DSC3: variants seen among roughly 807,000 people sequenced by gnomAD.
DSC3 encodes the protein desmocollin-3.
Under a neutral mutation model 89.5 loss-of-function variants are expected in DSC3, and 97 were observed. The observed-to-expected ratio is 1.08, with a 90% CI of 0.92 to 1.28. The LOEUF (loss-of-function observed/expected upper bound fraction) is 1.28, where lower values mean the gene tolerates loss of function less well. DSC3 is among the 50% of genes most tolerant of loss of function. The pLI is 0.00. For missense variants in DSC3, 1,199 were observed against 1,085.3 expected, an observed-to-expected ratio of 1.10 and a Z score of -1.47; for synonymous variants, 436 against 384.1, an observed-to-expected ratio of 1.14 and a Z score of -1.58.
chr18:31,022,911 G>A (rs1010469447), intron 6 of DSC3, among the ~76,000 whole-genome samples: 1 of 152,026 alleles, frequency 6.6e-6, no homozygotes, highest in African/African-American at 2.4e-5. Flanking sequence ...ACTGATTAGG[G>A]GTATGCAGTA....
chr18:31,022,406 G>C lies in DSC3; in HGVS notation c.872C>G (p.Ser291Ter). ...KYSILQQTPR[S>*]PGLFSVHPST... ...GGGATGCACAGAAAAGAGCCCAGGT[G>C]ACCTTGGTGTCTGCTGCAAAATGCT... The change falls in exon 7 of 16, where the codon TCA (serine) becomes TGA (stop). Residue 291 changes from serine (S) to a stop codon, truncating the protein, a stop_gained. Coordinates refer to ENST00000360428, the MANE Select transcript of DSC3 (RefSeq NM_001941.5). LOFTEE classifies it high-confidence loss of function. 6.2e-7 allele frequency: 1 copy of C among 1,614,068 alleles called. No homozygotes were observed. The highest frequency in any genetic ancestry group is 2.2e-5 in the East Asian group (1 of 44,862).
chr18:31,032,799 C>G (rs1985845191), intron 1 of DSC3, among the ~76,000 whole-genome samples: 1 of 151,982 alleles, frequency 6.6e-6, no homozygotes. Flanking sequence ...TTTCACCATG[C>G]TTCTATTTAA....
intron 12 of DSC3, among the ~76,000 whole-genome samples, chr18:31,005,065 T>A (rs1400999114): frequency 1.3e-5 from 2 of 152,120 alleles, no homozygotes; most frequent in African/African-American, 4.8e-5. Flanking sequence ...CTAAGTAAAA[T>A]GAAAAAGTAG....
rs1446028905 is a variant in DSC3, at chr18:31,042,737, C to G, written c.-77G>C. On this transcript the variant is annotated 5_prime_UTR_variant, in exon 1 of 16. Coordinates refer to ENST00000360428, the MANE Select transcript of DSC3 (RefSeq NM_001941.5). ...GCGAGACCTGCCGAGGTGCAGGGCG[C>G]GGGAGGTGCTTTTCTCGCCGCTGCT... 1.9e-5 allele frequency: 26 copies of G among 1,365,298 alleles called. No individual in the cohort carries two copies. The South Asian group carries it at 3.2e-4, about 17-fold the overall frequency. The allele number at this position is 1,365,298 out of a possible 1,614,324, so 84.6% of individuals were successfully genotyped here.
At chr18:31,024,217 T>G (rs1985517872) in intron 6 of DSC3, 132 bp downstream of exon 6, 1 of 837,944 alleles carries the variant, frequency 1.2e-6, no homozygotes, top group Non-Finnish European at 1.7e-6. Context: ...GATTAAGTGT[T>G]TTCTGGTAAG....
At chr18:30,999,031 T>G (rs936491018) in intron 14 of DSC3, among the ~76,000 whole-genome samples, 2 of 152,174 alleles carry the variant, frequency 1.3e-5, no homozygotes, top group African/African-American at 4.8e-5. Context: ...GGAAATGCTT[T>G]AAAATGAAAA....
At chr18:31,025,112 C>T (rs1985553213) in intron 5 of DSC3, among the ~76,000 whole-genome samples, 1 of 152,158 alleles carries the variant, frequency 6.6e-6, no homozygotes, top group Non-Finnish European at 1.5e-5. Flanking sequence ...CACAGCATCT[C>T]TTCCTTCTTT....
At chr18:30,995,086 G>A (rs1984410173) in intron 15 of DSC3, among the ~76,000 whole-genome samples, 1 of 152,168 alleles carries the variant, frequency 6.6e-6, no homozygotes, top group South Asian at 2.1e-4. Context: ...CTTTTATAAT[G>A]AAGACGCCAT....
intron 11 of DSC3, 22 bp downstream of exon 11, chr18:31,007,994 C>T: frequency 6.3e-7 from 1 of 1,589,996 alleles, no homozygotes. Context: ...TATAGAATAC[C>T]AGATTAAAAC....
At chr18:31,017,243 AT>A (rs1416037106) in intron 9 of DSC3, among the ~76,000 whole-genome samples, 1 of 152,132 alleles carries the variant, frequency 6.6e-6, no homozygotes, top group Admixed American at 6.5e-5. Context: ...AGCCTTGGAA[AT>A]TTTTACAGAG....
intron 1 of DSC3, among the ~76,000 whole-genome samples, chr18:31,036,242 T>C (rs1161665084): frequency 6.6e-6 from 1 of 152,220 alleles, no homozygotes; most frequent in African/African-American, 2.4e-5. Context: ...AATAATTTTA[T>C]GACTTTTTCC....
intron 9 of DSC3, among the ~76,000 whole-genome samples, chr18:31,013,429 A>G (rs974406137): frequency 6.6e-6 from 1 of 152,166 alleles, no homozygotes; most frequent in African/African-American, 2.4e-5. Context: ...TCACAACCAC[A>G]GAAGCCTCTG....
intron 9 of DSC3, among the ~76,000 whole-genome samples, chr18:31,013,709 T>A (rs1449896685): frequency 6.6e-6 from 1 of 152,152 alleles, no homozygotes; most frequent in South Asian, 2.1e-4. Context: ...AAACACCATT[T>A]TTTTGCTATT....
At chr18:31,029,690 A>C (rs1598549759) in intron 3 of DSC3, 62 bp from the exon 4 acceptor site, 3 of 1,599,024 alleles carry the variant, frequency 1.9e-6, no homozygotes, top group Middle Eastern at 1.7e-4. Context: ...CTTTGTGTAA[A>C]ATAGTGGACA....
At chr18:31,031,316 T>G (rs1042848279) in intron 2 of DSC3, 144 bp from the exon 3 acceptor site, 11 of 595,100 alleles carry the variant, frequency 1.8e-5, no homozygotes, top group Admixed American at 6.6e-5. Flanking sequence ...TCTTAACCTG[T>G]TTTTTACATT....
intron 1 of DSC3, among the ~76,000 whole-genome samples, chr18:31,034,071 C>G (rs1448301359): frequency 6.6e-6 from 1 of 152,164 alleles, no homozygotes; most frequent in Non-Finnish European, 1.5e-5. Flanking sequence ...GTGATCCGCC[C>G]GCCTCGGCCT....
chr18:31,016,163 C>T (rs903458564), intron 9 of DSC3, among the ~76,000 whole-genome samples: 2 of 152,124 alleles, frequency 1.3e-5, no homozygotes, highest in Non-Finnish European at 2.9e-5. Context: ...CATGAATAAC[C>T]CACCCCTTAT....
intron 4 of DSC3, among the ~76,000 whole-genome samples, chr18:31,026,812 A>T (rs169347): frequency 0.47 from 70,592 of 151,634 alleles, 17,014 homozygotes; most frequent in East Asian, 0.88. Flanking sequence ...TAAGGTCAGG[A>T]CAAGGGAATG....
In DSC3 at chr18:31,032,319, T is replaced by A. The variant is rs1985819222; in HGVS notation, c.70-43A>T. 4 of 1,455,814 alleles carry A rather than the reference T, an allele frequency of 2.7e-6. No homozygotes were observed. The South Asian group carries it at 4.6e-5, about 17-fold the overall frequency. 90.2% of individuals were successfully genotyped at this position (1,455,814 alleles called of 1,614,324 possible). ...ACATTAATACAGTAGAAAATAAAGA[T>A]TAAAAAAAACATAATCATATCAATA... On this transcript the variant is annotated intron_variant, in intron 1 of 15. Transcript: ENST00000360428.
Sources: gnomAD v4.1 joint callset for allele counts (sites outside exome capture counted in the v4.1 genomes callset) on GRCh38, gnomAD v4.1.1 for gene constraint, MANE v1.5 for transcripts, NCBI Gene and HGNC (gene_info 2026-07-23, HGNC 2026-07-21) for gene names.